MFAP3L: variants seen among roughly 807,000 people sequenced by gnomAD.
The protein encoded by MFAP3L is microfibrillar-associated protein 3-like.
MFAP3L carries 5 observed loss-of-function variants against 20.0 expected under a neutral mutation model. The ratio of observed to expected loss-of-function variants is 0.25; its 90% CI spans 0.13 to 0.53. MFAP3L has a LOEUF of 0.53. Among genes scored for constraint, MFAP3L ranks in the 20% least tolerant of loss-of-function variants. The probability of loss-of-function intolerance (pLI) is 0.96; values close to 1 mark genes in which losing one functional copy is unlikely to be tolerated. For synonymous variants in MFAP3L, 219 were observed against 213.0 expected (o/e 1.03, Z -0.25); for missense variants, 409 against 527.5 (o/e 0.78, Z 2.20).
Position 169,991,729 on chromosome 4 carries a change from CAG to C in MFAP3L, c.877_878del (p.Leu293GlufsTer9), listed in dbSNP as rs1377782000. 2.5e-6 allele frequency: 4 copies of C among 1,614,096 alleles called. No homozygotes were observed. Among genetic ancestry groups the C allele is most frequent in the East Asian group, 2.2e-5 (1 of 44,866 alleles). The stretch of plus-strand genomic sequence containing the variant: ...CAGCGGCAGGGGAGTCGCTCCGCTT[CAG>C]AGAGTTGGGGATTGTGTAGACCTCA... ...RDEVYTIPNS[L>X]KRSDSPAADS... On this transcript the variant is annotated frameshift_variant, in exon 3 of 3. Coordinates refer to ENST00000361618, the MANE Select transcript of MFAP3L (RefSeq NM_021647.8). LOFTEE classifies it high-confidence loss of function. The surrounding 1 kb of genome is among the most constrained non-coding windows in gnomAD (Gnocchi z 4.9).
chr4:170,020,627 C>T (rs1302784997), intron 1 of MFAP3L, among the ~76,000 whole-genome samples: 2 of 128,130 alleles, frequency 1.6e-5, no homozygotes, highest in Admixed American at 1.6e-4. Context: ...CCTCCCCCCT[C>T]CCTCCTCCCA....
intron 1 of MFAP3L, among the ~76,000 whole-genome samples, chr4:170,018,702 G>A (rs894483768): frequency 4.0e-5 from 6 of 151,862 alleles, no homozygotes; most frequent in Admixed American, 3.9e-4. Context: ...AGAAAAACAG[G>A]TTACCTTTGA....
chr4:169,992,247 C>T lies in MFAP3L; in HGVS notation c.361G>A (p.Gly121Ser). 1.2e-6 allele frequency: 2 copies of T among 1,614,106 alleles called. No homozygotes were observed. The highest frequency in any genetic ancestry group is 8.5e-7 in the Non-Finnish European group (1 of 1,180,006). Reference protein sequence around the residue: ...NITKVSFSDRGKYTCVASNIY... With the variant: ...NITKVSFSDRSKYTCVASNIY... ...TTAGAAGCCACACACGTGTATTTACCTCGGTCTGAGAAGGATACCTTGGTG... is the reference window on the plus strand; with the variant it reads ...TTAGAAGCCACACACGTGTATTTACTTCGGTCTGAGAAGGATACCTTGGTG... Residue 121 changes from glycine to serine, a missense_variant, in exon 3 of 3, where the codon GGT becomes AGT. Physicochemically the swap from Gly to Ser is moderately conservative, Grantham distance 56. Around this residue, in one of 3 missense-constraint regions of MFAP3L, gnomAD observed 127 missense variants for 218.1 expected, o/e 0.58. Transcript: ENST00000361618. The surrounding 1 kb of genome is among the most constrained non-coding windows in gnomAD (Gnocchi z 4.3).
chr4:170,018,557 A>G (rs780017973), intron 1 of MFAP3L, among the ~76,000 whole-genome samples: 30 of 152,332 alleles, frequency 2.0e-4, no homozygotes, highest in Non-Finnish European at 4.0e-4. Flanking sequence ...GCAAGAAGAC[A>G]TCAGAAGTCC....
intron 2 of MFAP3L, among the ~76,000 whole-genome samples, chr4:170,002,612 C>T (rs1034394198): frequency 2.0e-5 from 3 of 151,832 alleles, no homozygotes; most frequent in Non-Finnish European, 4.4e-5. Flanking sequence ...CAGGTTCAAG[C>T]GATTCTCCTG....
chr4:170,021,192 T>C (rs1490266486), intron 1 of MFAP3L, among the ~76,000 whole-genome samples: 1 of 152,232 alleles, frequency 6.6e-6, no homozygotes, highest in Non-Finnish European at 1.5e-5. Flanking sequence ...GTGGGCCCTC[T>C]GCACTTCTGT....
At chr4:170,016,786 ATGTC>A (rs1401505990) in intron 1 of MFAP3L, among the ~76,000 whole-genome samples, 1 of 152,194 alleles carries the variant, frequency 6.6e-6, no homozygotes, top group Admixed American at 6.5e-5. Context: ...GTTCTGGAAA[ATGTC>A]TGTTCTTTAA....
In MFAP3L at chr4:170,005,837, G is replaced by C; in HGVS notation, c.41C>G (p.Pro14Arg). ...LKSHLTVCFL[P>R]SVPFLILVST... The stretch of plus-strand genomic sequence containing the variant: ...TACTAGGATTAAAAAGGGCACAGAA[G>C]GTAGAAAGCACACAGTCAGATGGCT... Residue 14 changes from proline (P) to arginine (R), a missense_variant, in exon 2 of 3, where the codon CCT becomes CGT. By Grantham distance (103) the Pro-to-Arg change is moderately radical. This residue lies in a region of MFAP3L where 113 missense variants were observed against 131.1 expected (regional missense o/e 0.86). Transcript: ENST00000361618. The C allele has an allele frequency of 1.2e-6, 2 of 1,614,160 alleles. No homozygotes were observed. Among genetic ancestry groups the C allele is most frequent in the South Asian group, 1.1e-5 (1 of 91,084 alleles).
intron 1 of MFAP3L, among the ~76,000 whole-genome samples, chr4:170,012,042 T>C (rs977475226): frequency 6.6e-6 from 1 of 152,050 alleles, no homozygotes; most frequent in Non-Finnish European, 1.5e-5. Flanking sequence ...AATGACCGGA[T>C]AGTATGCAAC....
At chr4:170,014,814 T>C (rs1739597645) in intron 1 of MFAP3L, among the ~76,000 whole-genome samples, 1 of 152,164 alleles carries the variant, frequency 6.6e-6, no homozygotes, top group South Asian at 2.1e-4. Flanking sequence ...AAAACTCCCT[T>C]TTCTGGAACT....
chr4:170,003,764 C>T, intron 2 of MFAP3L: 1 of 985,448 alleles, frequency 1.0e-6, no homozygotes, highest in South Asian at 4.7e-5. Flanking sequence ...GATAGCTCAG[C>T]CCTGCAGAAA....
chr4:170,015,090 T>C (rs1739614918), intron 1 of MFAP3L, among the ~76,000 whole-genome samples: 2 of 152,118 alleles, frequency 1.3e-5, no homozygotes, highest in African/African-American at 4.8e-5. Flanking sequence ...GGATAAGAGA[T>C]GGGTTGGGCT....
chr4:170,008,162 C>T (rs906911075), intron 1 of MFAP3L, among the ~76,000 whole-genome samples: 4 of 152,062 alleles, frequency 2.6e-5, no homozygotes, highest in East Asian at 1.9e-4. Context: ...AGAGACCTTA[C>T]GAGATACAGA....
chr4:170,020,479 C>G (rs1471311722), intron 1 of MFAP3L, among the ~76,000 whole-genome samples: 1 of 152,164 alleles, frequency 6.6e-6, no homozygotes, highest in Non-Finnish European at 1.5e-5. Context: ...CTAGAGTCAG[C>G]TGACTCTGAA....
chr4:170,005,523 G>C (rs1196991113), intron 2 of MFAP3L, 57 bp downstream of exon 2: 1 of 1,542,754 alleles, frequency 6.5e-7, no homozygotes, highest in South Asian at 1.2e-5. Flanking sequence ...ACGGGTGCTG[G>C]CTCCAAAGCT....
chr4:170,025,455 T>C (rs1740290731), intron 1 of MFAP3L, among the ~76,000 whole-genome samples: 1 of 152,210 alleles, frequency 6.6e-6, no homozygotes, highest in South Asian at 2.1e-4. Context: ...TTCGATCGTA[T>C]CTTAACTGTT....
chr4:170,020,079 T>C (rs185520660), intron 1 of MFAP3L, among the ~76,000 whole-genome samples: 11 of 152,256 alleles, frequency 7.2e-5, no homozygotes, highest in East Asian at 3.9e-4. Flanking sequence ...GTGTGGGGCT[T>C]TGCAGCTCCT....
chr4:170,022,635 C>T (rs1259100288), intron 1 of MFAP3L, among the ~76,000 whole-genome samples: 2 of 152,094 alleles, frequency 1.3e-5, no homozygotes, highest in Non-Finnish European at 2.9e-5. Context: ...TCTTAACGAG[C>T]CATCATTCAG....
At chr4:170,009,803 T>A (rs1247363740) in intron 1 of MFAP3L, among the ~76,000 whole-genome samples, 1 of 152,250 alleles carries the variant, frequency 6.6e-6, no homozygotes, top group Non-Finnish European at 1.5e-5. Context: ...TTTTTCCACC[T>A]ATAATCAATA....
Sources: allele counts gnomAD v4.1 joint callset (sites outside exome capture counted in the v4.1 genomes callset), GRCh38; gene constraint gnomAD v4.1.1; regional missense constraint gnomAD v4.1.1; non-coding constraint Gnocchi (gnomAD v3.1); transcripts MANE v1.5; gene names NCBI Gene and HGNC (gene_info 2026-07-23, HGNC 2026-07-21).